Variants in PCSK2 observed in about 807,000 individuals in gnomAD.
The protein encoded by PCSK2 is proprotein convertase subtilisin/kexin type 2.
In PCSK2, 14 loss-of-function variants were observed where a neutral mutation model predicts 69.7. The observed-to-expected ratio is 0.20, with a 90% confidence interval of 0.13 to 0.31. The LOEUF (loss-of-function observed/expected upper bound fraction) is 0.31. Among genes scored for constraint, PCSK2 ranks in the 10% least tolerant of loss-of-function variants. The pLI is 1.00. For missense variants in PCSK2, 544 were observed against 842.5 expected (o/e 0.65, Z 4.39); for synonymous variants, 307 against 320.7 (o/e 0.96, Z 0.46).
intron 2 of PCSK2, among the ~76,000 whole-genome samples, chr20:17,287,871 A>G (rs573047327): frequency 6.6e-6 from 1 of 152,304 alleles, no homozygotes; most frequent in Non-Finnish European, 1.5e-5. Flanking sequence ...TGCTCCAGAT[A>G]GCTTTACTCT....
chr20:17,383,778 GA>G (rs1377903510), intron 5 of PCSK2, among the ~76,000 whole-genome samples: 2 of 152,206 alleles, frequency 1.3e-5, no homozygotes, highest in African/African-American at 4.8e-5. Context: ...TCTCTCTTGA[GA>G]AACGTGGTGT....
chr20:17,436,944 G>A (rs1400197322), intron 8 of PCSK2, 61 bp downstream of exon 8: 2 of 1,420,362 alleles, frequency 1.4e-6, no homozygotes, highest in African/African-American at 2.9e-5. Flanking sequence ...TGGGTGGAGG[G>A]GTAGATGCAA....
At chr20:17,349,483 A>C (rs964211463) in intron 2 of PCSK2, among the ~76,000 whole-genome samples, 2 of 152,310 alleles carry the variant, frequency 1.3e-5, no homozygotes, top group African/African-American at 2.4e-5. Context: ...CAGCTCTGTG[A>C]GCACACCCCA....
chr20:17,289,746 A>T (rs1180904920), intron 2 of PCSK2, among the ~76,000 whole-genome samples: 1 of 151,914 alleles, frequency 6.6e-6, no homozygotes, highest in East Asian at 1.9e-4. Context: ...TTGTAAAATC[A>T]ATGTTTGTTT....
At position 17,456,411 on chromosome 20, in the gene PCSK2, G is replaced by A; in HGVS notation, c.1165G>A (p.Glu389Lys). 6.2e-7 allele frequency: 1 copy of A among 1,611,980 alleles called. No individual in the cohort carries two copies. Among genetic ancestry groups the A allele is most frequent in the Non-Finnish European group, 8.5e-7 (1 of 1,178,040 alleles). Residue 389 changes from glutamate to lysine, a missense_variant, in exon 10 of 12, where the codon GAG becomes AAG. Around this residue, in one of 3 missense-constraint regions of PCSK2, gnomAD observed 187 missense variants for 399.8 expected, o/e 0.47. Coordinates refer to ENST00000262545, the MANE Select transcript of PCSK2 (RefSeq NM_002594.5). ...RHSGTSAAAP[E>K]AAGVFALALE... ...TTCTGGGACATCTGCAGCTGCCCCC[G>A]AGGCAGCTGGTGTGTTTGCACTGGC...
intron 11 of PCSK2, among the ~76,000 whole-genome samples, chr20:17,476,737 T>C (rs1369763756): frequency 2.6e-5 from 4 of 152,256 alleles, no homozygotes; most frequent in Non-Finnish European, 5.9e-5. Context: ...TACACAGCTG[T>C]CCACTGCTGG....
intron 8 of PCSK2, among the ~76,000 whole-genome samples, chr20:17,437,646 G>A (rs1056567701): frequency 4.6e-5 from 7 of 152,276 alleles, no homozygotes; most frequent in South Asian, 2.1e-4. Flanking sequence ...GCAACTGCTC[G>A]GCACTGAGAA....
chr20:17,425,590 G>A (rs2032230743), intron 6 of PCSK2, among the ~76,000 whole-genome samples: 2 of 152,152 alleles, frequency 1.3e-5, no homozygotes, highest in African/African-American at 4.8e-5. Flanking sequence ...ATTAAAATGT[G>A]CTAGTTCATG....
chr20:17,240,326 G>A (rs1986517823), intron 1 of PCSK2, among the ~76,000 whole-genome samples: 1 of 152,116 alleles, frequency 6.6e-6, no homozygotes, highest in Non-Finnish European at 1.5e-5. Context: ...CCCTCTGACA[G>A]TTACAACTTA....
rs545292774 is a variant in PCSK2, at chr20:17,283,349, T to C, written c.282+23005T>C. ...CGGGGGCATTCAGGGTGAGTTTGAA[T>C]CTTTAAGGAGATTTCAAAAAGGCAC... On this transcript the variant is annotated intron_variant, in intron 2 of 11. Transcript: ENST00000262545. 4.0e-5 allele frequency among the ~76,000 whole-genome samples: 6 copies of C among 151,800 alleles called. No homozygotes were observed. In the East Asian group the frequency reaches 1.2e-3, roughly 29 times the overall value.
intron 11 of PCSK2, among the ~76,000 whole-genome samples, chr20:17,469,629 C>G (rs1251533611): frequency 6.6e-6 from 1 of 152,100 alleles, no homozygotes; most frequent in East Asian, 1.9e-4. Flanking sequence ...ACCCCAGGCT[C>G]TTTTCACTAC....
intron 5 of PCSK2, among the ~76,000 whole-genome samples, chr20:17,397,173 A>T (rs934010): frequency 0.73 from 110,722 of 152,094 alleles, 40,626 homozygotes; most frequent in South Asian, 0.86. Flanking sequence ...GAAAACATAC[A>T]TTGTTTCTTT....
intron 2 of PCSK2, among the ~76,000 whole-genome samples, chr20:17,350,547 G>C (rs2029949166): frequency 1.3e-5 from 2 of 152,034 alleles, no homozygotes; most frequent in African/African-American, 4.8e-5. Flanking sequence ...TCCTCAGAGA[G>C]TTATATGCAC....
chr20:17,448,233 T>A (rs542772518), intron 8 of PCSK2, among the ~76,000 whole-genome samples: 1 of 152,298 alleles, frequency 6.6e-6, no homozygotes, highest in Admixed American at 6.5e-5. Context: ...GACCAGCACC[T>A]GTTCTGGTCA....
intron 7 of PCSK2, among the ~76,000 whole-genome samples, chr20:17,431,344 C>T (rs527735347): frequency 7.2e-5 from 11 of 152,312 alleles, no homozygotes; most frequent in African/African-American, 2.6e-4. Context: ...GCCTGCCCAG[C>T]TCGCTTGAAC....
At chr20:17,352,871 A>C (rs2030041324) in intron 2 of PCSK2, among the ~76,000 whole-genome samples, 1 of 152,244 alleles carries the variant, frequency 6.6e-6, no homozygotes, top group African/African-American at 2.4e-5. Flanking sequence ...GTGCTTCTGC[A>C]CAGCAAAAGA....
At chr20:17,265,741 G>C (rs1175892506) in intron 2 of PCSK2, among the ~76,000 whole-genome samples, 1 of 152,140 alleles carries the variant, frequency 6.6e-6, no homozygotes, top group Non-Finnish European at 1.5e-5. Flanking sequence ...ACACTGATTT[G>C]TATTCCATAA....
At chr20:17,285,621 C>T (rs1988485608) in intron 2 of PCSK2, among the ~76,000 whole-genome samples, 1 of 152,204 alleles carries the variant, frequency 6.6e-6, no homozygotes, top group African/African-American at 2.4e-5. Context: ...TTTTGAGCTC[C>T]TGCTGCAGGC....
chr20:17,251,432 T>TGTTC (rs1555781562), intron 1 of PCSK2, among the ~76,000 whole-genome samples: 9 of 152,166 alleles, frequency 5.9e-5, no homozygotes, highest in Non-Finnish European at 1.0e-4. Context: ...TTCTAAAAAA[T>TGTTC]TTTTATTCAC....
Sources: gnomAD v4.1 joint callset for allele counts (sites outside exome capture counted in the v4.1 genomes callset) on GRCh38, gnomAD v4.1.1 for gene constraint, gnomAD v4.1.1 regional missense constraint, MANE v1.5 for transcripts, NCBI Gene and HGNC (gene_info 2026-07-23, HGNC 2026-07-21) for gene names.